Variants in DNAJC18 observed in about 807,000 individuals in gnomAD.
DNAJC18 encodes the protein DnaJ heat shock protein family (Hsp40) member C18.
DNAJC18 carries 40 observed loss-of-function variants against 48.6 expected under a neutral mutation model. The observed-to-expected ratio is 0.82, with a 90% confidence interval of 0.64 to 1.07. The LOEUF is 1.07. DNAJC18 is among the 50% of genes least tolerant of loss of function. The pLI is 0.00. For missense variants in DNAJC18, 340 were observed against 427.7 expected (o/e 0.79, Z 1.81); for synonymous variants, 135 against 152.2 (o/e 0.89, Z 0.83).
rs1759175908 is a variant in DNAJC18, at chr5:139,422,824, A to C, written c.670-7T>G. The C allele has an allele frequency of 3.2e-6, 5 of 1,568,844 alleles. No individual in the cohort carries two copies. In the South Asian group the frequency reaches 5.9e-5, roughly 19 times the overall value. On this transcript the variant is annotated splice_region_variant and splice_polypyrimidine_tract_variant and intron_variant, in intron 5 of 7. Coordinates refer to ENST00000302060, the MANE Select transcript of DNAJC18 (RefSeq NM_152686.4). ...TAAATGCAGAATATGTAGTCTGAAA[A>C]AGAAAAAAAAATAAAAACTTGCTGT...
chr5:139,434,083 G>A (rs1338863926), intron 2 of DNAJC18, among the ~76,000 whole-genome samples: 1 of 151,970 alleles, frequency 6.6e-6, no homozygotes, highest in African/African-American at 2.4e-5. Flanking sequence ...TAGAGACGGA[G>A]TTTTGCCGTG....
In DNAJC18 at chr5:139,410,507, T is replaced by C. The variant is rs893571317; in HGVS notation, c.*3641A>G. 1 of 152,176 alleles carries C rather than the reference T, an allele frequency of 6.6e-6. No individual in the cohort carries two copies. Among genetic ancestry groups the C allele is most frequent in the Admixed American group, 6.5e-5 (1 of 15,272 alleles). The allele number at this position is 152,176 out of a possible 1,614,324, so 9.4% of individuals were successfully genotyped here. On this transcript the variant is annotated 3_prime_UTR_variant, in exon 8 of 8. Coordinates refer to ENST00000302060, the MANE Select transcript of DNAJC18 (RefSeq NM_152686.4). ...ACTTGGCCCTTTCCAAAAATAAATATATTAGGACACTAAGCTTATACCTTA... is the reference window on the plus strand; with the variant it reads ...ACTTGGCCCTTTCCAAAAATAAATACATTAGGACACTAAGCTTATACCTTA...
intron 1 of DNAJC18, among the ~76,000 whole-genome samples, chr5:139,438,326 A>AG (rs957568389): frequency 7.0e-6 from 1 of 142,908 alleles, no homozygotes; most frequent in Non-Finnish European, 1.6e-5. Context: ...AAAAAAAAAA[A>AG]AAAGAACATT....
In DNAJC18 at chr5:139,428,630, C is replaced by A. The variant is rs1218416911; in HGVS notation, c.281G>T (p.Ser94Ile). 6.2e-7 allele frequency: 1 copy of A among 1,613,322 alleles called. No individual in the cohort carries two copies. The highest frequency in any genetic ancestry group is 1.1e-5 in the South Asian group (1 of 90,820). The change falls in exon 3 of 8, where the codon AGT becomes ATT. Residue 94 changes from serine (S) to isoleucine (I), a missense_variant. Coordinates refer to ENST00000302060, the MANE Select transcript of DNAJC18 (RefSeq NM_152686.4). ...YEILGVSRDASDEELKKAYRK... is the reference protein window; with the variant it reads ...YEILGVSRDAIDEELKKAYRK... ...GTAAGCTTTCTTAAGCTCTTCGTCA[C>A]TAGCATCTCGAGAAACTCCCAGAAT...
chr5:139,426,816 C>T (rs1376136037), intron 3 of DNAJC18, among the ~76,000 whole-genome samples: 6 of 152,208 alleles, frequency 3.9e-5, no homozygotes, highest in South Asian at 2.1e-4. Flanking sequence ...GATCATGCCA[C>T]TGCCTTCCAG....
intron 7 of DNAJC18, 36 bp from the exon 8 acceptor site, chr5:139,414,308 C>T: frequency 6.3e-7 from 1 of 1,586,300 alleles, no homozygotes; most frequent in Non-Finnish European, 8.6e-7. Flanking sequence ...TCATCAAGAG[C>T]TGAACTCCTT....
chr5:139,427,167 CAA>C (rs1384187522), intron 3 of DNAJC18, among the ~76,000 whole-genome samples: 1 of 152,154 alleles, frequency 6.6e-6, no homozygotes, highest in Non-Finnish European at 1.5e-5. Context: ...TGACTAAAAA[CAA>C]AGTCTTCATC....
At chr5:139,416,076 C>T in intron 7 of DNAJC18, among the ~76,000 whole-genome samples, 1 of 152,176 alleles carries the variant, frequency 6.6e-6, no homozygotes. Context: ...GTCAGTGTTT[C>T]AAGGAATCAT....
intron 2 of DNAJC18, among the ~76,000 whole-genome samples, chr5:139,437,113 G>T (rs1750680878): frequency 1.3e-5 from 2 of 152,166 alleles, no homozygotes; most frequent in South Asian, 4.1e-4. Flanking sequence ...TTCTGTTGTT[G>T]TTGAAAGAAT....
rs1759176301 is a variant in DNAJC18, at chr5:139,422,836, TA to T, written c.670-20del. ...ATGTAGTCTGAAAAAGAAAAAAAAA[TA>T]AAAACTTGCTGTAAGTGTTCTTTTT... On this transcript the variant is annotated intron_variant, in intron 5 of 7. Transcript: ENST00000302060. 1 of 1,523,092 alleles carries T rather than the reference TA, an allele frequency of 6.6e-7. No homozygotes were observed. Among genetic ancestry groups the T allele is most frequent in the African/African-American group, 1.4e-5 (1 of 70,354 alleles). The allele number at this position is 1,523,092 out of a possible 1,614,324, so 94.3% of individuals were successfully genotyped here.
intron 6 of DNAJC18, among the ~76,000 whole-genome samples, chr5:139,422,200 G>A (rs544125655): frequency 6.6e-6 from 1 of 152,046 alleles, no homozygotes; most frequent in Non-Finnish European, 1.5e-5. Context: ...TCAACTGAAA[G>A]AATTAATTGA....
At chr5:139,420,658 G>C (rs914105312) in intron 6 of DNAJC18, among the ~76,000 whole-genome samples, 2 of 151,206 alleles carry the variant, frequency 1.3e-5, no homozygotes, top group Admixed American at 6.6e-5. Flanking sequence ...CACCAACCTA[G>C]AAGCAATATT....
At chr5:139,430,131 A>G (rs564322536) in intron 2 of DNAJC18, among the ~76,000 whole-genome samples, 1 of 152,332 alleles carries the variant, frequency 6.6e-6, no homozygotes, top group African/African-American at 2.4e-5. Context: ...AGACCTCAAA[A>G]GAGCTTTCAT....
At chr5:139,434,388 A>C (rs955473822) in intron 2 of DNAJC18, among the ~76,000 whole-genome samples, 3 of 152,132 alleles carry the variant, frequency 2.0e-5, no homozygotes, top group African/African-American at 4.8e-5. Context: ...CAGTAGGGTG[A>C]TCATAGCTCA....
At chr5:139,428,827 A>G (rs1759284018) in intron 2 of DNAJC18, 144 bp from the exon 3 acceptor site, 1 of 1,020,176 alleles carries the variant, frequency 9.8e-7, no homozygotes, top group African/African-American at 1.6e-5. Context: ...GAAACATTCA[A>G]ATTCATTAAC....
chr5:139,437,681 G>C, intron 1 of DNAJC18, 123 bp from the exon 2 acceptor site: 1 of 1,133,180 alleles, frequency 8.8e-7, no homozygotes, highest in Non-Finnish European at 1.2e-6. Flanking sequence ...GCCAGGGCTA[G>C]AGGCGTCATG....
At chr5:139,425,169 T>A in intron 4 of DNAJC18, 55 bp from the exon 5 acceptor site, 3 of 1,495,582 alleles carry the variant, frequency 2.0e-6, no homozygotes, top group South Asian at 2.4e-5. Flanking sequence ...CCTGCCTTTT[T>A]CTTTTTTTTT....
In DNAJC18 at chr5:139,439,439, C is replaced by T. The variant is rs1219748881; in HGVS notation, c.7G>A (p.Ala3Thr). The change falls in exon 1 of 8, where the codon GCG (alanine) becomes ACG (threonine). Residue 3 changes from alanine (A) to threonine (T), a missense_variant. Physicochemically the swap from Ala to Thr is moderately conservative, Grantham distance 58. Transcript: ENST00000302060. The surrounding 1 kb of genome is among the most constrained non-coding windows in gnomAD (Gnocchi z 4.1). MAATLGSGERWTE... is the reference protein window; with the variant it reads MATTLGSGERWTE... ...CAGCGCTCCCCGCTGCCCAGAGTCG[C>T]CGCCATATCGGTTCCCAATCAGCAG... The T allele has an allele frequency of 6.2e-7, 1 of 1,613,886 alleles. No individual in the cohort carries two copies. The highest frequency in any genetic ancestry group is 8.5e-7 in the Non-Finnish European group (1 of 1,180,034).
chr5:139,435,705 G>GTTTTGTTTT (rs1750628150), intron 2 of DNAJC18, among the ~76,000 whole-genome samples: 1 of 41,194 alleles, frequency 2.4e-5, no homozygotes, highest in African/African-American at 1.1e-4. Flanking sequence ...TTCATTGGAA[G>GTTTTGTTTT]TTTTTTTTTT....
Sources: allele counts gnomAD v4.1 joint callset (sites outside exome capture counted in the v4.1 genomes callset), GRCh38; gene constraint gnomAD v4.1.1; non-coding constraint Gnocchi (gnomAD v3.1); transcripts MANE v1.5; gene names NCBI Gene and HGNC (gene_info 2026-07-23, HGNC 2026-07-21).